The following APOO variants were observed in gnomAD, a reference collection of about 807,000 sequenced individuals.
APOO encodes MICOS complex subunit MIC26.
Under a neutral mutation model 23.1 loss-of-function variants are expected in APOO, and 11 were observed. The ratio of observed to expected loss-of-function variants is 0.48; its 90% confidence interval spans 0.30 to 0.79. The LOEUF (loss-of-function observed/expected upper bound fraction) is 0.79, where lower values mean the gene tolerates loss of function less well. Ranked by LOEUF, APOO falls within the 30% of genes least tolerant of loss-of-function variation. APOO has a pLI of 0.07. For synonymous variants in APOO, 59 were observed against 54.8 expected (o/e 1.08, Z -0.34); for missense variants, 160 against 142.7 (o/e 1.12, Z -0.62).
Position 23,878,903 on chromosome X carries a change from G to C in APOO, c.237+12C>G, listed in dbSNP as rs374522687. On this transcript the variant is annotated intron_variant, in intron 3 of 8. Transcript: ENST00000379226. ...CAGAAATGCGTTCACTCCATTTTCA[G>C]AACAGTTGTACCTGACACCAGGTTG... 97 of 1,204,769 alleles carry C rather than the reference G, an allele frequency of 8.1e-5. No individual in the cohort carries two copies. Among genetic ancestry groups the C allele is most frequent in the Non-Finnish European group, 1.1e-4 (96 of 892,047 alleles).
chrX:23,851,682 T>G (rs1363835863), intron 7 of APOO, among the ~76,000 whole-genome samples: 1 of 112,443 alleles, frequency 8.9e-6, no homozygotes, highest in Non-Finnish European at 1.9e-5. Context: ...TCATTTTAAC[T>G]GAAGCAGATA....
intron 7 of APOO, among the ~76,000 whole-genome samples, chrX:23,847,913 G>C (rs928338860): frequency 1.9e-5 from 2 of 106,598 alleles, no homozygotes; most frequent in Non-Finnish European, 3.9e-5. Context: ...TTTCACTCTT[G>C]TTGCCCAGGC....
At chrX:23,877,910 G>A (rs1275999305) in intron 3 of APOO, among the ~76,000 whole-genome samples, 3 of 111,878 alleles carry the variant, frequency 2.7e-5, no homozygotes, top group Non-Finnish European at 5.6e-5. Flanking sequence ...ACAAACATAT[G>A]TATCAAAGCC....
At chrX:23,859,792 T>C (rs1445283835) in intron 5 of APOO, among the ~76,000 whole-genome samples, 1 of 111,882 alleles carries the variant, frequency 8.9e-6, no homozygotes, top group East Asian at 2.8e-4. Flanking sequence ...TACGGTCCTT[T>C]GTGACTGGCT....
intron 4 of APOO, among the ~76,000 whole-genome samples, chrX:23,870,285 C>T (rs1569235671): frequency 9.0e-6 from 1 of 111,296 alleles, no homozygotes; most frequent in Non-Finnish European, 1.9e-5. Context: ...CATCAGTTCA[C>T]ACCTCTCTCC....
At chrX:23,834,678 CAA>C (rs1333569669) in intron 8 of APOO, among the ~76,000 whole-genome samples, 1 of 110,445 alleles carries the variant, frequency 9.1e-6, no homozygotes, top group African/African-American at 3.3e-5. Flanking sequence ...CACATATAGT[CAA>C]AGACATGTCA....
intron 7 of APOO, among the ~76,000 whole-genome samples, chrX:23,850,172 T>C (rs963901949): frequency 8.9e-6 from 1 of 112,271 alleles, no homozygotes; most frequent in Non-Finnish European, 1.9e-5. Context: ...ACACCATGCA[T>C]AGGTGAAAAG....
intron 3 of APOO, among the ~76,000 whole-genome samples, chrX:23,875,093 T>C (rs958235916): frequency 9.1e-6 from 1 of 109,968 alleles, no homozygotes; most frequent in African/African-American, 3.3e-5. Context: ...CTACTAAAAA[T>C]ACAAAAATTA....
intron 1 of APOO, among the ~76,000 whole-genome samples, chrX:23,884,185 G>T (rs1343121608): frequency 1.8e-5 from 2 of 111,133 alleles, no homozygotes; most frequent in Non-Finnish European, 3.8e-5. Flanking sequence ...AATAAGGATG[G>T]AATATAGAAT....
At chrX:23,895,151 A>G (rs1926843744) in intron 1 of APOO, among the ~76,000 whole-genome samples, 1 of 110,770 alleles carries the variant, frequency 9.0e-6, no homozygotes. Context: ...AAAAAAAAAA[A>G]GATTCATTAT....
At chrX:23,869,217 C>G (rs16982829) in intron 4 of APOO, among the ~76,000 whole-genome samples, 1,601 of 110,546 alleles carry the variant, frequency 0.014, 26 homozygotes, top group African/African-American at 0.049. Context: ...CTGCAAGTGT[C>G]CAATTTTCAA....
intron 8 of APOO, among the ~76,000 whole-genome samples, chrX:23,833,963 G>A (rs192341155): frequency 1.8e-3 from 194 of 108,902 alleles, no homozygotes; most frequent in South Asian, 5.2e-3. Flanking sequence ...CAGCCTGGGC[G>A]ACAAGAATGA....
intron 1 of APOO, among the ~76,000 whole-genome samples, chrX:23,889,678 T>TTA (rs1926542646): frequency 9.8e-6 from 1 of 101,589 alleles, no homozygotes; most frequent in African/African-American, 3.6e-5. Flanking sequence ...TTTTTTTTTT[T>TTA]TTAAGACAGA....
chrX:23,870,195 C>T (rs1925546656), intron 4 of APOO, among the ~76,000 whole-genome samples: 2 of 110,732 alleles, frequency 1.8e-5, no homozygotes, highest in Admixed American at 9.7e-5. Context: ...CATAATGCCT[C>T]GTCTCCTCTC....
At chrX:23,870,965 T>G (rs1283975991) in intron 4 of APOO, among the ~76,000 whole-genome samples, 1 of 109,936 alleles carries the variant, frequency 9.1e-6, no homozygotes, top group African/African-American at 3.3e-5. Context: ...GGCGTGTGCC[T>G]GTAATCCCAG....
At chrX:23,899,484 G>A (rs916870956) in intron 1 of APOO, among the ~76,000 whole-genome samples, 7 of 112,149 alleles carry the variant, frequency 6.2e-5, no homozygotes, top group African/African-American at 2.3e-4. Flanking sequence ...CTCAGCAAAA[G>A]TGAAAAATAA....
At position 23,889,844 on chromosome X, in the gene APOO, G is replaced by A. The variant is rs183327414; in HGVS notation, c.10-8892C>T. On this transcript the variant is annotated intron_variant, in intron 1 of 8. Transcript: ENST00000379226. ...GCCTGGCTAATTTTTTGTATTTTTA[G>A]TAGAGACGGGGTTTCACTGTGTTAG... is the stretch of plus-strand genomic sequence containing the variant. Among the ~76,000 whole-genome samples the A allele has an allele frequency of 3.7e-4, 40 of 109,201 alleles. No individual in the cohort carries two copies. In the East Asian group the frequency reaches 8.3e-3, roughly 23 times the overall value. The allele number at this position is 109,201 out of a possible 115,157, so 94.8% of individuals were successfully genotyped here. A position where few individuals can be genotyped will look rare whatever the true frequency, so the allele number is the denominator to read the frequency against.
At chrX:23,861,774 C>T (rs1455768207) in intron 5 of APOO, among the ~76,000 whole-genome samples, 5 of 104,548 alleles carry the variant, frequency 4.8e-5, no homozygotes, top group Admixed American at 1.1e-4. Flanking sequence ...CGTCAGTGGG[C>T]CCCATGTACA....
At chrX:23,863,070 ATG>A (rs1338399213) in intron 5 of APOO, among the ~76,000 whole-genome samples, 21 of 112,454 alleles carry the variant, frequency 1.9e-4, no homozygotes, top group African/African-American at 6.4e-4. Context: ...ATGGTGGCTC[ATG>A]CCTGTAATCC....
Sources: gnomAD v4.1 joint callset for allele counts (sites outside exome capture counted in the v4.1 genomes callset) on GRCh38, gnomAD v4.1.1 for gene constraint, MANE v1.5 for transcripts, NCBI Gene and HGNC (gene_info 2026-07-23, HGNC 2026-07-21) for gene names.